The following CSNK1D variants were observed in gnomAD, a reference collection of about 807,000 sequenced individuals.
CSNK1D encodes the protein casein kinase I isoform delta.
CSNK1D carries 16 observed loss-of-function variants against 46.6 expected under a neutral mutation model. The observed-to-expected ratio is 0.34, with a 90% CI of 0.23 to 0.52. The LOEUF (loss-of-function observed/expected upper bound fraction) is 0.52, where lower values mean the gene tolerates loss of function less well. CSNK1D is among the 20% of genes least tolerant of loss of function. CSNK1D has a pLI of 0.95. For synonymous variants in CSNK1D, 276 were observed against 228.2 expected (o/e 1.21, Z -1.89); for missense variants, 398 against 578.4 (o/e 0.69, Z 3.20).
chr17:82,263,627 A>AC (rs2051395100), intron 2 of CSNK1D, among the ~76,000 whole-genome samples: 1 of 152,252 alleles, frequency 6.6e-6, no homozygotes, highest in African/African-American at 2.4e-5. Context: ...TTCCCCAGTG[A>AC]CCATCCCGGG....
In CSNK1D at chr17:82,265,671, C is replaced by T. The variant is rs867316355; in HGVS notation, c.187+15G>A. ...ACAGAACCCTGGTGTTGCTCTGTGA[C>T]TGGTAAAGACCTACCTCCTCCCTGC... is the stretch of plus-strand genomic sequence containing the variant. On this transcript the variant is annotated intron_variant, in intron 2 of 8. Coordinates refer to ENST00000314028, the MANE Select transcript of CSNK1D (RefSeq NM_001893.6). 6.3e-7 allele frequency: 1 copy of T among 1,587,864 alleles called. No individual in the cohort carries two copies. The highest frequency in any genetic ancestry group is 8.6e-7 in the Non-Finnish European group (1 of 1,156,182).
Position 82,265,682 on chromosome 17 carries a change from C to T in CSNK1D, c.187+4G>A. 1 of 1,609,588 alleles carries T rather than the reference C, an allele frequency of 6.2e-7. No homozygotes were observed. Among genetic ancestry groups the T allele is most frequent in the Non-Finnish European group, 8.5e-7 (1 of 1,175,910 alleles). ...GTGTTGCTCTGTGACTGGTAAAGAC[C>T]TACCTCCTCCCTGCATCATCTTGTA... On this transcript the variant is annotated splice_donor_region_variant and intron_variant, in intron 2 of 8. Coordinates refer to ENST00000314028, the MANE Select transcript of CSNK1D (RefSeq NM_001893.6).
At position 82,251,244 on chromosome 17, in the gene CSNK1D, A is replaced by T; in HGVS notation, c.885+135T>A. The T allele has an allele frequency of 2.8e-6, 3 of 1,054,252 alleles. No homozygotes were observed. The highest frequency in any genetic ancestry group is 1.4e-5 in the South Asian group (1 of 73,888). The allele number at this position is 1,054,252 out of a possible 1,614,324, so 65.3% of individuals were successfully genotyped here. ...CACCCACTCAGTCCAGGTCCTGCCC[A>T]CTACACACTTGCCCTTCACAACCAG... On this transcript the variant is annotated intron_variant, in intron 6 of 8. Transcript: ENST00000314028. This position sits in a 1 kb window ranked among gnomAD's most constrained non-coding sequence, Gnocchi z 4.5.
At position 82,251,306 on chromosome 17, in the gene CSNK1D, G is replaced by A. The variant is rs542016203; in HGVS notation, c.885+73C>T. 6.3e-6 allele frequency: 10 copies of A among 1,576,180 alleles called. No homozygotes were observed. The Admixed American group carries it at 6.7e-5, about 11-fold the overall frequency. ...ATATGGTACAGCCCCTCAACAAGAC[G>A]GCCGCCGGCCTCTCACTGACAAGCC... On this transcript the variant is annotated intron_variant, in intron 6 of 8. Transcript: ENST00000314028. The surrounding 1 kb of genome is among the most constrained non-coding windows in gnomAD (Gnocchi z 4.5).
At chr17:82,265,906 G>A in intron 1 of CSNK1D, 110 bp from the exon 2 acceptor site, 3 of 895,212 alleles carry the variant, frequency 3.4e-6, no homozygotes, top group Admixed American at 1.7e-5. Context: ...ACCAAGTGAG[G>A]GATGTGTTCT....
At position 82,273,193 on chromosome 17, in the gene CSNK1D, G is replaced by A. The variant is rs2051682436; in HGVS notation, c.76+113C>T. On this transcript the variant is annotated intron_variant, in intron 1 of 8. Transcript: ENST00000314028. The surrounding 1 kb of genome is among the most constrained non-coding windows in gnomAD (Gnocchi z 5.1). Reference sequence around the variant, plus strand: ...TTCTGGCCACGATCCGGCGGTGCCGGGACTTGCGCGGAGACCCCGCGGGGG... The same window carrying A: ...TTCTGGCCACGATCCGGCGGTGCCGAGACTTGCGCGGAGACCCCGCGGGGG... 9.0e-7 allele frequency: 1 copy of A among 1,106,778 alleles called. No homozygotes were observed. The highest frequency in any genetic ancestry group is 1.3e-6 in the Non-Finnish European group (1 of 771,056). The allele number at this position is 1,106,778 out of a possible 1,614,324, so 68.6% of individuals were successfully genotyped here. A position where few individuals can be genotyped will look rare whatever the true frequency, so the allele number is the denominator to read the frequency against.
rs551707568 is a variant in CSNK1D at position 82,263,975 on chromosome 17, G to A, written c.187+1711C>T. Among the ~76,000 whole-genome samples the A allele has an allele frequency of 2.6e-5, 4 of 152,376 alleles. No homozygotes were observed. The East Asian group carries it at 7.7e-4, about 29-fold the overall frequency. Reference sequence around the variant, plus strand: ...CCTCCTCTGGTCACGTGAGGCCCGTGATGGGACACACTGGGTGCCCCTCTC... The same window carrying A: ...CCTCCTCTGGTCACGTGAGGCCCGTAATGGGACACACTGGGTGCCCCTCTC... On this transcript the variant is annotated intron_variant, in intron 2 of 8. Coordinates refer to ENST00000314028, the MANE Select transcript of CSNK1D (RefSeq NM_001893.6).
chr17:82,247,614 C>T (rs931046149), intron 8 of CSNK1D: 1 of 985,404 alleles, frequency 1.0e-6, no homozygotes, highest in Non-Finnish European at 1.2e-6. Flanking sequence ...ACGGGCAGAC[C>T]CTCCCGGGAA....
In CSNK1D at chr17:82,273,275, CGGGCGGCGGGCGG is replaced by C. The variant is rs757105795; in HGVS notation, c.76+18_76+30del. ...TTGGCAGCCGCAGGGCCCGGGTCTT[CGGGCGGCGGGCGG>C]GGGCGGCGGGGCCTCACCGAGATAG... On this transcript the variant is annotated intron_variant, in intron 1 of 8. Transcript: ENST00000314028. The surrounding 1 kb of genome is among the most constrained non-coding windows in gnomAD (Gnocchi z 5.1). 662 of 1,573,548 alleles carry C rather than the reference CGGGCGGCGGGCGG, an allele frequency of 4.2e-4. 1 individual carries two copies. The highest frequency in any genetic ancestry group is 6.4e-4 in the Admixed American group (37 of 58,020).
At chr17:82,262,571 T>A (rs1293832313) in intron 2 of CSNK1D, among the ~76,000 whole-genome samples, 2 of 152,154 alleles carry the variant, frequency 1.3e-5, no homozygotes, top group African/African-American at 2.4e-5. Flanking sequence ...AAAACCGCAA[T>A]GAGTGGTGCT....
chr17:82,245,445 C>T, intron 8 of CSNK1D: 1 of 209,448 alleles, frequency 4.8e-6, no homozygotes. Flanking sequence ...AAAAGAAACA[C>T]AAAACAAGGA....
At chr17:82,268,707 G>T (rs1212918948) in intron 1 of CSNK1D, among the ~76,000 whole-genome samples, 1 of 152,232 alleles carries the variant, frequency 6.6e-6, no homozygotes, top group Non-Finnish European at 1.5e-5. Flanking sequence ...ATCCTGGTCT[G>T]CTGTGAGACA....
chr17:82,265,672 T>C lies in CSNK1D; in HGVS notation c.187+14A>G. On this transcript the variant is annotated intron_variant, in intron 2 of 8. Transcript: ENST00000314028. Reference sequence around the variant, plus strand: ...CAGAACCCTGGTGTTGCTCTGTGACTGGTAAAGACCTACCTCCTCCCTGCA... The same window carrying C: ...CAGAACCCTGGTGTTGCTCTGTGACCGGTAAAGACCTACCTCCTCCCTGCA... 3 of 1,591,006 alleles carry C rather than the reference T, an allele frequency of 1.9e-6. No homozygotes were observed. The South Asian group carries it at 3.3e-5, about 18-fold the overall frequency.
At chr17:82,269,449 C>A (rs1430087134) in intron 1 of CSNK1D, among the ~76,000 whole-genome samples, 1 of 152,186 alleles carries the variant, frequency 6.6e-6, no homozygotes, top group Non-Finnish European at 1.5e-5. Context: ...CATCTTGGGG[C>A]CCTATTGCAT....
Position 82,273,630 on chromosome 17 carries a change from C to T in CSNK1D, c.-249G>A. On this transcript the variant is annotated 5_prime_UTR_variant, in exon 1 of 9. Transcript: ENST00000314028. This position sits in a 1 kb window ranked among gnomAD's most constrained non-coding sequence, Gnocchi z 5.1. ...GGTCCCGCTTGCCCTCTCCCCGCCG[C>T]GGATGGACTCGGATCTTCCGGGCCT... 2 of 546,160 alleles carry T rather than the reference C, an allele frequency of 3.7e-6. No homozygotes were observed. The highest frequency in any genetic ancestry group is 2.3e-5 in the South Asian group (1 of 42,736). 33.8% of individuals were successfully genotyped at this position (546,160 alleles called of 1,614,324 possible). A position where few individuals can be genotyped will look rare whatever the true frequency, so the allele number is the denominator to read the frequency against.
chr17:82,246,652 C>T (rs1273303369), intron 8 of CSNK1D: 1 of 999,460 alleles, frequency 1.0e-6, no homozygotes, highest in African/African-American at 1.7e-5. Context: ...GGCCCTACAA[C>T]TATGGGGGCC....
intron 8 of CSNK1D, chr17:82,247,156 GCT>G (rs1001022444): frequency 5.7e-5 from 56 of 985,338 alleles, no homozygotes; most frequent in Admixed American, 6.1e-5. Context: ...CCCCAAACCA[GCT>G]CTCTCTGGAG....
At chr17:82,239,124 AGGGGGAAGGT>A (rs2050698608), downstream of CSNK1D, 3 of 741,904 alleles carry the variant, frequency 4.0e-6, no homozygotes, top group Non-Finnish European at 6.2e-6. Context: ...CAGTGTTTTG[AGGGGGAAGGT>A]GGCGGGGTGG....
chr17:82,266,260 C>G (rs1259333827), intron 1 of CSNK1D, among the ~76,000 whole-genome samples: 2 of 152,246 alleles, frequency 1.3e-5, no homozygotes, highest in East Asian at 3.8e-4. Flanking sequence ...ACCCAATAGC[C>G]ACAGTCCCAG....
Sources: gnomAD v4.1 joint callset for allele counts (sites outside exome capture counted in the v4.1 genomes callset) on GRCh38, gnomAD v4.1.1 for gene constraint, Gnocchi (gnomAD v3.1) non-coding constraint, MANE v1.5 for transcripts, NCBI Gene and HGNC (gene_info 2026-07-23, HGNC 2026-07-21) for gene names.